The following NRXN3 variants were observed in gnomAD, a reference collection of about 807,000 sequenced individuals.
NRXN3 encodes neurexin 3.
In NRXN3, 32 loss-of-function variants were observed where a neutral mutation model predicts 137.6. That is an observed-to-expected ratio of 0.23 (90% CI 0.18 to 0.31). The LOEUF (loss-of-function observed/expected upper bound fraction) is 0.31. Ranked by LOEUF, NRXN3 falls within the 10% of genes least tolerant of loss-of-function variation. The probability of loss-of-function intolerance (pLI) is 1.00; values close to 1 mark genes in which losing one functional copy is unlikely to be tolerated. For missense variants in NRXN3, 1,574 were observed against 2,062.5 expected (o/e 0.76, Z 4.59); for synonymous variants, 798 against 784.5 (o/e 1.02, Z -0.29).
At chr14:79,776,215 C>T (rs933891349) in intron 19 of NRXN3, among the ~76,000 whole-genome samples, 12 of 152,164 alleles carry the variant, frequency 7.9e-5, no homozygotes, top group African/African-American at 2.7e-4. Context: ...ATTTATCAAT[C>T]ATTTTGTGGT....
chr14:79,237,954 T>C (rs572198501), intron 15 of NRXN3, among the ~76,000 whole-genome samples: 2 of 152,264 alleles, frequency 1.3e-5, no homozygotes, highest in East Asian at 3.9e-4. Flanking sequence ...GATAATGCTC[T>C]GAAAATAATC....
At chr14:79,556,129 GC>G (rs1245123465) in intron 16 of NRXN3, among the ~76,000 whole-genome samples, 4 of 152,132 alleles carry the variant, frequency 2.6e-5, no homozygotes, top group Non-Finnish European at 1.5e-5. Flanking sequence ...AGAGGAAAAT[GC>G]ATGGCCTTCA....
intron 15 of NRXN3, among the ~76,000 whole-genome samples, chr14:78,999,152 T>C (rs1298016644): frequency 6.6e-6 from 1 of 152,102 alleles, no homozygotes; most frequent in Non-Finnish European, 1.5e-5. Context: ...GTTTTGGCCA[T>C]TGACTGTCCT....
chr14:78,524,553 G>A (rs965450826), intron 4 of NRXN3, among the ~76,000 whole-genome samples: 6 of 151,964 alleles, frequency 3.9e-5, no homozygotes, highest in African/African-American at 1.4e-4. Context: ...TTTAGTGTAG[G>A]GTGCAGGAAT....
intron 15 of NRXN3, among the ~76,000 whole-genome samples, chr14:79,065,847 T>C (rs765291805): frequency 6.6e-6 from 1 of 152,100 alleles, no homozygotes; most frequent in Non-Finnish European, 1.5e-5. Flanking sequence ...TGCAGTATGT[T>C]CAGATTTGTT....
intron 16 of NRXN3, among the ~76,000 whole-genome samples, chr14:79,635,515 T>C (rs1239687578): frequency 6.6e-6 from 1 of 152,222 alleles, no homozygotes; most frequent in Non-Finnish European, 1.5e-5. Context: ...ATTTTTTTCC[T>C]ATTCTAAATG....
chr14:79,117,352 G>A (rs866189709), intron 15 of NRXN3, among the ~76,000 whole-genome samples: 5 of 152,276 alleles, frequency 3.3e-5, no homozygotes, highest in Middle Eastern at 3.4e-3. Context: ...AGGGTGCAGA[G>A]TGCCTTTTCT....
At chr14:78,311,030 T>C (rs1567225690) in intron 4 of NRXN3, among the ~76,000 whole-genome samples, 1 of 152,206 alleles carries the variant, frequency 6.6e-6, no homozygotes, top group Non-Finnish European at 1.5e-5. Context: ...TTTGAACATA[T>C]TATTCAATCT....
intron 4 of NRXN3, among the ~76,000 whole-genome samples, chr14:78,625,438 T>C (rs1357343972): frequency 6.6e-6 from 1 of 152,200 alleles, no homozygotes; most frequent in Non-Finnish European, 1.5e-5. Context: ...ATTTCTTTTG[T>C]TGGTTTTTTA....
intron 10 of NRXN3, among the ~76,000 whole-genome samples, chr14:78,826,903 A>G (rs1251693893): frequency 6.6e-6 from 1 of 152,194 alleles, no homozygotes; most frequent in Non-Finnish European, 1.5e-5. Flanking sequence ...TTTCTGGCCA[A>G]TAGATACATG....
At chr14:78,282,002 A>G (rs1424801595) in intron 3 of NRXN3, 4 of 402,366 alleles carry the variant, frequency 9.9e-6, no homozygotes, top group African/African-American at 8.2e-5. Flanking sequence ...GGCCACAAGC[A>G]CATGGGGAGT....
At chr14:78,933,020 T>C (rs2099326664) in intron 10 of NRXN3, among the ~76,000 whole-genome samples, 1 of 152,104 alleles carries the variant, frequency 6.6e-6, no homozygotes, top group Non-Finnish European at 1.5e-5. Context: ...CAGTTGAAAT[T>C]TGGCATGAAA....
intron 15 of NRXN3, among the ~76,000 whole-genome samples, chr14:79,017,398 A>C (rs796313009): frequency 2.0e-5 from 3 of 151,368 alleles, no homozygotes; most frequent in African/African-American, 7.3e-5. Flanking sequence ...CCCCTCCCTC[A>C]TAGTTTTTCA....
Position 78,709,630 on chromosome 14 carries a change from G to A in NRXN3, c.1635G>A (p.Val545=). The change falls in exon 7 of 21, where the codon GTG becomes GTA. Residue 545 remains valine (V), a synonymous_variant. Coordinates refer to ENST00000335750, the MANE Select transcript of NRXN3 (RefSeq NM_001330195.2). ...CCAATGATGGGGAATGGTACCATGT[G>A]GACATTCAGCGAGATGGCAGATCAG... is the stretch of plus-strand genomic sequence containing the variant. ...KKANDGEWYH[V]DIQRDGRSGT... is the part of the protein sequence containing the mutation. The A allele has an allele frequency of 6.2e-7, 1 of 1,612,580 alleles. No homozygotes were observed. The highest frequency in any genetic ancestry group is 8.5e-7 in the Non-Finnish European group (1 of 1,179,594).
At chr14:79,663,336 C>T (rs907471955) in intron 16 of NRXN3, among the ~76,000 whole-genome samples, 7 of 152,032 alleles carry the variant, frequency 4.6e-5, no homozygotes, top group African/African-American at 1.7e-4. Flanking sequence ...TACACCTCTG[C>T]TTTGCCTTGA....
intron 4 of NRXN3, among the ~76,000 whole-genome samples, chr14:78,588,610 A>G (rs556224519): frequency 5.3e-5 from 8 of 152,344 alleles, no homozygotes; most frequent in African/African-American, 1.9e-4. Flanking sequence ...ATGCAACACT[A>G]TAAATCAGTA....
intron 16 of NRXN3, among the ~76,000 whole-genome samples, chr14:79,595,210 G>A (rs1025053089): frequency 4.6e-5 from 7 of 152,130 alleles, no homozygotes; most frequent in Non-Finnish European, 1.0e-4. Flanking sequence ...AATGGTATTG[G>A]AAGAACAGAC....
At chr14:79,832,737 C>A (rs865841075) in intron 20 of NRXN3, among the ~76,000 whole-genome samples, 5 of 151,982 alleles carry the variant, frequency 3.3e-5, no homozygotes, top group African/African-American at 1.2e-4. Flanking sequence ...CTATGGGGCT[C>A]AACCCCACAT....
intron 16 of NRXN3, chr14:79,632,475 C>T (rs9652380): frequency 0.069 from 10,448 of 152,116 alleles, 1,203 homozygotes; most frequent in African/African-American, 0.24. Flanking sequence ...AAGGCTCTAA[C>T]GTGGAAACAA....
Sources: allele counts gnomAD v4.1 joint callset (sites outside exome capture counted in the v4.1 genomes callset), GRCh38; gene constraint gnomAD v4.1.1; transcripts MANE v1.5; gene names NCBI Gene and HGNC (gene_info 2026-07-23, HGNC 2026-07-21).